The following MSRB3 variants were observed in gnomAD, a reference collection of about 807,000 sequenced individuals.
The protein encoded by MSRB3 is methionine sulfoxide reductase B3.
MSRB3 carries 13 observed loss-of-function variants against 21.0 expected under a neutral mutation model. The observed-to-expected ratio is 0.62, with a 90% CI of 0.40 to 0.98. The LOEUF is 0.98. Among genes scored for constraint, MSRB3 ranks in the 50% least tolerant of loss-of-function variants. The probability of loss-of-function intolerance (pLI) is 0.00; values close to 1 mark genes in which losing one functional copy is unlikely to be tolerated. For missense variants in MSRB3, 199 were observed against 230.3 expected, an observed-to-expected ratio of 0.86 and a Z score of 0.88; for synonymous variants, 87 against 88.6, an observed-to-expected ratio of 0.98 and a Z score of 0.10.
chr12:65,429,675 T>A (rs1198649245), intron 5 of MSRB3, among the ~76,000 whole-genome samples: 2 of 152,184 alleles, frequency 1.3e-5, no homozygotes, highest in Admixed American at 6.5e-5. Flanking sequence ...TCTCCAGTTT[T>A]ATTAGTGGGA....
At chr12:65,398,451 G>A (rs1879936135) in intron 5 of MSRB3, among the ~76,000 whole-genome samples, 1 of 152,056 alleles carries the variant, frequency 6.6e-6, no homozygotes, top group African/African-American at 2.4e-5. Context: ...ACTTTTTGAT[G>A]GGGTTTGTTT....
intron 4 of MSRB3, among the ~76,000 whole-genome samples, chr12:65,364,626 A>G (rs1198746420): frequency 2.6e-5 from 4 of 152,176 alleles, no homozygotes; most frequent in South Asian, 2.1e-4. Context: ...TGCAATCCTT[A>G]TTAGATATGT....
At chr12:65,313,531 A>G (rs1031381084) in intron 2 of MSRB3, among the ~76,000 whole-genome samples, 1 of 152,134 alleles carries the variant, frequency 6.6e-6, no homozygotes, top group African/African-American at 2.4e-5. Context: ...TAATTTCAAG[A>G]AATTTTTTGT....
intron 4 of MSRB3, among the ~76,000 whole-genome samples, chr12:65,357,028 C>A (rs1877424063): frequency 6.6e-6 from 1 of 151,800 alleles, no homozygotes; most frequent in Non-Finnish European, 1.5e-5. Context: ...ATCCTAGTAG[C>A]TCACGAGAAT....
At chr12:65,399,901 T>C (rs902335341) in intron 5 of MSRB3, among the ~76,000 whole-genome samples, 1 of 152,174 alleles carries the variant, frequency 6.6e-6, no homozygotes, top group African/African-American at 2.4e-5. Context: ...TGATGGATTA[T>C]GTTTATTGAT....
chr12:65,292,329 A>G (rs138476378), intron 1 of MSRB3, among the ~76,000 whole-genome samples: 2 of 152,332 alleles, frequency 1.3e-5, no homozygotes, highest in East Asian at 3.9e-4. Context: ...ATAATATTGT[A>G]TCTACCACAT....
At chr12:65,320,688 G>A (rs1874606927) in intron 2 of MSRB3, among the ~76,000 whole-genome samples, 1 of 152,126 alleles carries the variant, frequency 6.6e-6, no homozygotes, top group African/African-American at 2.4e-5. Flanking sequence ...AATACTTTCC[G>A]AGAGCTATTT....
chr12:65,338,803 G>A (rs961551001), intron 4 of MSRB3, among the ~76,000 whole-genome samples: 2 of 152,138 alleles, frequency 1.3e-5, no homozygotes, highest in African/African-American at 2.4e-5. Flanking sequence ...GGCTGGGCGC[G>A]GTGGCTCATG....
chr12:65,417,242 G>A (rs567056941), intron 5 of MSRB3, among the ~76,000 whole-genome samples: 102 of 152,056 alleles, frequency 6.7e-4, no homozygotes, highest in Non-Finnish European at 1.4e-3. Context: ...CTCATTAAGG[G>A]AATTAATGAC....
At chr12:65,414,174 CTAT>C (rs1880855732) in intron 5 of MSRB3, among the ~76,000 whole-genome samples, 1 of 152,118 alleles carries the variant, frequency 6.6e-6, no homozygotes, top group African/African-American at 2.4e-5. Context: ...GGTATGACTT[CTAT>C]CTTTAAAAGC....
At chr12:65,364,437 T>C (rs1033278562) in intron 4 of MSRB3, among the ~76,000 whole-genome samples, 1 of 152,222 alleles carries the variant, frequency 6.6e-6, no homozygotes, top group African/African-American at 2.4e-5. Flanking sequence ...GTTTTGAACT[T>C]AGATGTGAGT....
intron 1 of MSRB3, chr12:65,306,937 C>T (rs1037445778): frequency 4.1e-6 from 4 of 985,746 alleles, no homozygotes; most frequent in African/African-American, 1.7e-5. Flanking sequence ...GGTAGGCGCC[C>T]AGGCTGCCTG....
chr12:65,448,279 T>C (rs1012479544), intron 5 of MSRB3, among the ~76,000 whole-genome samples: 55 of 152,320 alleles, frequency 3.6e-4, no homozygotes, highest in African/African-American at 1.2e-3. Flanking sequence ...GATAGTTTTT[T>C]TGGAACACCT....
intron 6 of MSRB3, among the ~76,000 whole-genome samples, chr12:65,458,542 T>A (rs1196683207): frequency 1.3e-5 from 2 of 152,344 alleles, no homozygotes; most frequent in Non-Finnish European, 1.5e-5. Flanking sequence ...CACTGCCTAA[T>A]CTTTGCATTG....
intron 5 of MSRB3, among the ~76,000 whole-genome samples, chr12:65,405,553 A>G (rs1880368200): frequency 6.6e-6 from 1 of 151,990 alleles, no homozygotes; most frequent in Non-Finnish European, 1.5e-5. Flanking sequence ...GTGTACCTAG[A>G]GGTGCAACTA....
rs541196989 is a variant in MSRB3 at position 65,365,528 on chromosome 12, T to C, written c.264-3470T>C. 3.3e-5 allele frequency among the ~76,000 whole-genome samples: 5 copies of C among 151,888 alleles called. No individual in the cohort carries two copies. The East Asian group carries it at 5.8e-4, about 18-fold the overall frequency. On this transcript the variant is annotated intron_variant, in intron 4 of 6. Transcript: ENST00000308259. The stretch of plus-strand genomic sequence containing the variant: ...ACCCTTTATACGCCATGCAGAGGAG[T>C]GGGCACTTAATGTCGCCAGGTCAGT...
At chr12:65,294,537 C>T (rs1200056883) in intron 1 of MSRB3, among the ~76,000 whole-genome samples, 1 of 152,122 alleles carries the variant, frequency 6.6e-6, no homozygotes, top group Non-Finnish European at 1.5e-5. Context: ...CATGGGTGAG[C>T]TCTCTTTTGA....
intron 4 of MSRB3, among the ~76,000 whole-genome samples, chr12:65,351,421 A>G (rs1455883958): frequency 7.0e-6 from 1 of 142,712 alleles, no homozygotes; most frequent in Admixed American, 6.9e-5. Flanking sequence ...GCAAGAGCAA[A>G]CACATTCAAA....
intron 2 of MSRB3, among the ~76,000 whole-genome samples, chr12:65,314,759 CAATT>C (rs1043739137): frequency 6.6e-6 from 1 of 151,752 alleles, no homozygotes; most frequent in Non-Finnish European, 1.5e-5. Flanking sequence ...ATGAAAAAAA[CAATT>C]AAATCTTAGT....
Sources: gnomAD v4.1 joint callset for allele counts (sites outside exome capture counted in the v4.1 genomes callset) on GRCh38, gnomAD v4.1.1 for gene constraint, MANE v1.5 for transcripts, NCBI Gene and HGNC (gene_info 2026-07-23, HGNC 2026-07-21) for gene names.